ABCG5: variants seen among roughly 807,000 people sequenced by gnomAD.
ABCG5 encodes ATP binding cassette subfamily G member 5.
ABCG5 carries 64 observed loss-of-function variants against 64.5 expected under a neutral mutation model. The ratio of observed to expected loss-of-function variants is 0.99; its 90% confidence interval spans 0.81 to 1.22. ABCG5 has a LOEUF of 1.22. Among genes scored for constraint, ABCG5 ranks in the 50% most tolerant of loss-of-function variants. The pLI is 0.00. For missense variants in ABCG5, 908 were observed against 829.5 expected (o/e 1.09, Z -1.16); for synonymous variants, 385 against 326.3 (o/e 1.18, Z -1.94).
chr2:43,838,156 T>C lies in ABCG5; in HGVS notation c.144-201A>G. On this transcript the variant is annotated intron_variant, in intron 1 of 12. Coordinates refer to ENST00000405322, the MANE Select transcript of ABCG5 (RefSeq NM_022436.3). This position sits in a 1 kb window ranked among gnomAD's most constrained non-coding sequence, Gnocchi z 4.2. ...GTCTGCCACGTAGGGAGGGGGCCTG[T>C]GCTGGAGTTGCTCTGAATGTCCTGT... 1 of 664,014 alleles carries C rather than the reference T, an allele frequency of 1.5e-6. No homozygotes were observed. The highest frequency in any genetic ancestry group is 2.8e-5 in the East Asian group (1 of 35,730). The allele number at this position is 664,014 out of a possible 1,614,324, so 41.1% of individuals were successfully genotyped here. A position where few individuals can be genotyped will look rare whatever the true frequency, so the allele number is the denominator to read the frequency against.
rs1421414711 is a variant in ABCG5, at chr2:43,828,032, C to T, written c.585G>A (p.Thr195=). 1.1e-5 allele frequency: 17 copies of T among 1,614,022 alleles called. No individual in the cohort carries two copies. Among genetic ancestry groups the T allele is most frequent in the Non-Finnish European group, 1.3e-5 (15 of 1,180,042 alleles). ...IGNYSLGGIS[T]GERRRVSIAA... ...CGATGGAGACCCGGCGCCGCTCACCCGTGGAAATGCCCCCCAAGCTGTAGT... is the reference window on the plus strand; with the variant it reads ...CGATGGAGACCCGGCGCCGCTCACCTGTGGAAATGCCCCCCAAGCTGTAGT... The change falls in exon 5 of 13, where the codon ACG becomes ACA. Residue 195 remains threonine, a synonymous_variant. Coordinates refer to ENST00000405322, the MANE Select transcript of ABCG5 (RefSeq NM_022436.3).
chr2:43,822,768 G>A (rs574187615), intron 10 of ABCG5, 29 bp downstream of exon 10: 110 of 1,613,972 alleles, frequency 6.8e-5, no homozygotes, highest in Middle Eastern at 1.6e-4. Context: ...ATGGGAGCCC[G>A]GCCCTGGGTG....
upstream of ABCG5, chr2:43,839,066 G>A (rs201317673): frequency 4.5e-6 from 7 of 1,551,146 alleles, no homozygotes; most frequent in South Asian, 1.2e-5. Context: ...GGCCGGGAAG[G>A]CGGCAGAGGA....
At chr2:43,808,562 G>A (rs1242118015), downstream of ABCG5, among the ~76,000 whole-genome samples, 1 of 152,088 alleles carries the variant, frequency 6.6e-6, no homozygotes, top group Non-Finnish European at 1.5e-5. Flanking sequence ...CCCCTTAGAT[G>A]GTCCCTTTTA....
At position 43,818,487 on chromosome 2, in the gene ABCG5, G is replaced by A. The variant is rs117511225; in HGVS notation, c.1649+1428C>T. Among the ~76,000 whole-genome samples the A allele has an allele frequency of 5.6e-4, 86 of 152,236 alleles. No individual in the cohort carries two copies. The East Asian group carries it at 0.015, about 26-fold the overall frequency. Reference sequence around the variant, plus strand: ...ACAAAATACGGTTTCTACAGAACGAGTATCACTTTCTCAAAAAATCATAAG... The same window carrying A: ...ACAAAATACGGTTTCTACAGAACGAATATCACTTTCTCAAAAAATCATAAG... On this transcript the variant is annotated intron_variant, in intron 11 of 12. Coordinates refer to ENST00000405322, the MANE Select transcript of ABCG5 (RefSeq NM_022436.3).
chr2:43,828,190 A>C, intron 4 of ABCG5, 75 bp from the exon 5 acceptor site: 1 of 1,605,764 alleles, frequency 6.2e-7, no homozygotes, highest in Non-Finnish European at 8.5e-7. Context: ...TGGGGAGGAC[A>C]TGAAAGAGGC....
intron 11 of ABCG5, among the ~76,000 whole-genome samples, chr2:43,815,925 AAAG>A (rs201896004): frequency 0.013 from 1,963 of 151,652 alleles, 49 homozygotes; most frequent in African/African-American, 0.044. Context: ...AAAAAAAAAA[AAAG>A]GACCAGACTA....
chr2:43,809,407 G>C (rs1666399590), downstream of ABCG5, among the ~76,000 whole-genome samples: 1 of 152,180 alleles, frequency 6.6e-6, no homozygotes, highest in Non-Finnish European at 1.5e-5. Context: ...CAGATGTCTA[G>C]TTCATTAGTT....
rs1357470381 is a variant in ABCG5 at position 43,826,435 on chromosome 2, T to G, written c.721A>C (p.Arg241=). 3 of 1,614,182 alleles carry G rather than the reference T, an allele frequency of 1.9e-6. No individual in the cohort carries two copies. Among genetic ancestry groups the G allele is most frequent in the Non-Finnish European group, 2.5e-6 (3 of 1,180,032 alleles). Residue 241 remains arginine, a synonymous_variant, in exon 6 of 13, where the codon AGG becomes CGG. Transcript: ENST00000405322. ...ATGGTGAGAACCACAATTCGGTTCCTGCGAGCCAGTTCCACCAGGAGGACG... is the reference window on the plus strand; with the variant it reads ...ATGGTGAGAACCACAATTCGGTTCCGGCGAGCCAGTTCCACCAGGAGGACG... ...IVVLLVELAR[R]NRIVVLTIHQ...
chr2:43,813,587 C>G (rs1666602526), intron 12 of ABCG5, among the ~76,000 whole-genome samples: 1 of 149,794 alleles, frequency 6.7e-6, no homozygotes, highest in African/African-American at 2.5e-5. Context: ...AAGTTACTGA[C>G]ATTATCACTT....
upstream of ABCG5, chr2:43,839,221 T>G: frequency 8.0e-7 from 1 of 1,247,202 alleles, no homozygotes; most frequent in Non-Finnish European, 1.1e-6. Flanking sequence ...CACCCGGACA[T>G]CAAGCAGTGT....
At chr2:43,832,490 C>G (rs941363948) in intron 2 of ABCG5, 1 of 274,568 alleles carries the variant, frequency 3.6e-6, no homozygotes, top group African/African-American at 2.2e-5. Flanking sequence ...TTTGTGCCCC[C>G]CTGGGGTGGT....
Position 43,826,479 on chromosome 2 carries a change from A to C in ABCG5, c.677T>G (p.Met226Arg). 1 of 1,614,196 alleles carries C rather than the reference A, an allele frequency of 6.2e-7. No homozygotes were observed. Among genetic ancestry groups the C allele is most frequent in the South Asian group, 1.1e-5 (1 of 91,080 alleles). The stretch of plus-strand genomic sequence containing the variant: ...GAGGACGACAATCTGATTAGCAGTC[A>C]TGCAGTCCAGGCCTGTGGTTGGCTC... ...FDEPTTGLDCMTANQIVVLLV... is the reference protein window; with the variant it reads ...FDEPTTGLDCRTANQIVVLLV... The change falls in exon 6 of 13, where the codon ATG (methionine) becomes AGG (arginine). Residue 226 changes from methionine to arginine, a missense_variant. Coordinates refer to ENST00000405322, the MANE Select transcript of ABCG5 (RefSeq NM_022436.3).
rs1176432212 is a variant in ABCG5 at position 43,822,952 on chromosome 2, G to A, written c.1325-17C>T. 1 of 1,613,340 alleles carries A rather than the reference G, an allele frequency of 6.2e-7. No individual in the cohort carries two copies. Among genetic ancestry groups the A allele is most frequent in the Non-Finnish European group, 8.5e-7 (1 of 1,179,722 alleles). ...GCACGGGAACTGGGGATGGAAGGCA[G>A]GTTTCAGAACAGTCAGTCACCACCC... On this transcript the variant is annotated splice_polypyrimidine_tract_variant and intron_variant, in intron 9 of 12. Transcript: ENST00000405322.
chr2:43,815,947 G>T (rs575601180), intron 11 of ABCG5, among the ~76,000 whole-genome samples: 58 of 145,010 alleles, frequency 4.0e-4, no homozygotes, highest in African/African-American at 1.4e-3. Flanking sequence ...TACAAAAAAA[G>T]TTCAACTATG....
At chr2:43,821,140 A>G (rs1396425981) in intron 10 of ABCG5, among the ~76,000 whole-genome samples, 1 of 151,958 alleles carries the variant, frequency 6.6e-6, no homozygotes, top group African/African-American at 2.4e-5. Context: ...CCTCCTTACC[A>G]CTTACTCTTC....
At chr2:43,838,970 G>T, upstream of ABCG5, 1 of 1,444,628 alleles carries the variant, frequency 6.9e-7, no homozygotes, top group Non-Finnish European at 9.5e-7. The surrounding 1 kb of genome is among the most constrained non-coding windows in gnomAD (Gnocchi z 4.2). Flanking sequence ...CCTGCTCCAG[G>T]AAACAGAGTG....
chr2:43,828,773 C>G (rs971971470), intron 4 of ABCG5, among the ~76,000 whole-genome samples: 29 of 152,218 alleles, frequency 1.9e-4, no homozygotes, highest in African/African-American at 7.0e-4. Context: ...CGAGACTAGC[C>G]TAGCCAACAC....
intron 6 of ABCG5, 28 bp downstream of exon 6, chr2:43,826,354 C>A: frequency 6.2e-7 from 1 of 1,613,484 alleles, no homozygotes; most frequent in South Asian, 1.1e-5. Flanking sequence ...ACACCATAGA[C>A]CCGGCCTTTA....
Sources: gnomAD v4.1 joint callset for allele counts (sites outside exome capture counted in the v4.1 genomes callset) on GRCh38, gnomAD v4.1.1 for gene constraint, Gnocchi (gnomAD v3.1) non-coding constraint, MANE v1.5 for transcripts, NCBI Gene and HGNC (gene_info 2026-07-23, HGNC 2026-07-21) for gene names.